NFATC1: variants seen among roughly 807,000 people sequenced by gnomAD.
The protein encoded by NFATC1 is nuclear factor of activated T-cells, cytoplasmic 1.
NFATC1 carries 22 observed loss-of-function variants against 76.0 expected under a neutral mutation model. That is an observed-to-expected ratio of 0.29 (90% CI 0.21 to 0.41). The LOEUF (loss-of-function observed/expected upper bound fraction) is 0.41. Among genes scored for constraint, NFATC1 ranks in the 10% least tolerant of loss-of-function variants. The pLI is 1.00. For missense variants in NFATC1, 1,357 were observed against 1,337.7 expected (o/e 1.01, Z -0.23); for synonymous variants, 704 against 613.1 (o/e 1.15, Z -2.19).
chr18:79,526,388 G>A (rs113398280), intron 9 of NFATC1, among the ~76,000 whole-genome samples: 8,049 of 152,348 alleles, frequency 0.053, 283 homozygotes, highest in Admixed American at 0.09. Flanking sequence ...CAGGATCAGC[G>A]TGGCTCTGAG....
intron 2 of NFATC1, among the ~76,000 whole-genome samples, chr18:79,427,466 T>TGGGG (rs1568948127): frequency 1.6e-4 from 2 of 12,690 alleles, no homozygotes; most frequent in Non-Finnish European, 2.9e-4. Context: ...GTGCGGTGGG[T>TGGGG]GGGGGCTGTA....
At chr18:79,408,993 T>G (rs1447674583) in intron 1 of NFATC1, among the ~76,000 whole-genome samples, 1 of 102,736 alleles carries the variant, frequency 9.7e-6, no homozygotes, top group East Asian at 3.7e-4. Context: ...CAAACCATTA[T>G]TCCTCCATTC....
At chr18:79,409,606 T>C (rs375659979) in intron 1 of NFATC1, among the ~76,000 whole-genome samples, 1 of 152,134 alleles carries the variant, frequency 6.6e-6, no homozygotes, top group Non-Finnish European at 1.5e-5. Context: ...TCACCATCCA[T>C]CTACCTACTC....
intron 9 of NFATC1, among the ~76,000 whole-genome samples, chr18:79,492,873 CAAA>C (rs397937205): frequency 1.5e-5 from 1 of 68,632 alleles, no homozygotes; most frequent in South Asian, 4.9e-4. Context: ...GACTCCATCT[CAAA>C]AAAAAAAAAG....
chr18:79,527,745 G>T lies in NFATC1; in HGVS notation c.*168G>T. 1.6e-6 allele frequency: 1 copy of T among 637,710 alleles called. No individual in the cohort carries two copies. Among genetic ancestry groups the T allele is most frequent in the Non-Finnish European group, 2.7e-6 (1 of 363,692 alleles). The allele number at this position is 637,710 out of a possible 1,614,324, so 39.5% of individuals were successfully genotyped here. A position where few individuals can be genotyped will look rare whatever the true frequency, so the allele number is the denominator to read the frequency against. The stretch of plus-strand genomic sequence containing the variant: ...CAAAGATTGGCTCTCCAACAAGAAG[G>T]AAAGCAGGGAGGAAGGGAGACCACT... On this transcript the variant is annotated 3_prime_UTR_variant, in exon 10 of 10. Transcript: ENST00000427363.
chr18:79,455,427 CG>C (rs1568983562), intron 6 of NFATC1, among the ~76,000 whole-genome samples: 2 of 152,268 alleles, frequency 1.3e-5, no homozygotes, highest in South Asian at 4.1e-4. Context: ...CGTGGCCTCC[CG>C]GGGCCCCTCT....
intron 6 of NFATC1, among the ~76,000 whole-genome samples, chr18:79,455,868 A>G (rs1299919770): frequency 6.6e-6 from 1 of 152,096 alleles, no homozygotes; most frequent in Non-Finnish European, 1.5e-5. Flanking sequence ...CACTAGCCAC[A>G]CTGCAGGAGA....
Position 79,527,604 on chromosome 18 carries a change from C to T in NFATC1, c.*27C>T. ...TGCCACATTGGAGCACTCAGTTCAG[C>T]AGGGGTATGCTGACTTCAGCAGACA... On this transcript the variant is annotated 3_prime_UTR_variant, in exon 10 of 10. Coordinates refer to ENST00000427363, the MANE Select transcript of NFATC1 (RefSeq NM_001278669.2). 2 of 1,608,248 alleles carry T rather than the reference C, an allele frequency of 1.2e-6. No individual in the cohort carries two copies. The highest frequency in any genetic ancestry group is 1.7e-6 in the Non-Finnish European group (2 of 1,174,808).
At chr18:79,447,221 C>A (rs1442988056) in intron 3 of NFATC1, among the ~76,000 whole-genome samples, 2 of 152,210 alleles carry the variant, frequency 1.3e-5, no homozygotes, top group Non-Finnish European at 2.9e-5. Flanking sequence ...CCTGCCCGGG[C>A]CCCTCTAGCC....
intron 8 of NFATC1, among the ~76,000 whole-genome samples, chr18:79,481,250 C>T (rs1005563692): frequency 3.3e-5 from 5 of 152,214 alleles, no homozygotes; most frequent in South Asian, 2.1e-4. Context: ...GGCCCAGCTG[C>T]GTCCGCAGAG....
intron 1 of NFATC1, among the ~76,000 whole-genome samples, chr18:79,409,328 TCATTCATC>T (rs1203277040): frequency 5.1e-5 from 5 of 98,710 alleles, no homozygotes; most frequent in South Asian, 7.3e-4. Context: ...CCCTATCCAT[TCATTCATC>T]CATCCATCCA....
At position 79,486,911 on chromosome 18, in the gene NFATC1, A is replaced by G. The variant is rs1052579102; in HGVS notation, c.2756A>G (p.Glu919Gly). Residue 919 changes from glutamate to glycine, a missense_variant, in exon 9 of 10, where the codon GAG (glutamate) becomes GGG (glycine). This residue lies in a region of NFATC1 where 424 missense variants were observed against 395.4 expected (regional missense o/e 1.07). Transcript: ENST00000427363. ...GTAACGGTCAAGCGAGAGCCTGAAG[A>G]GTTGGACCAGTTGTACCTGGATGAC... ...IPVTVKREPEELDQLYLDDVN... is the reference protein window; with the variant it reads ...IPVTVKREPEGLDQLYLDDVN... The G allele has an allele frequency of 1.9e-6, 3 of 1,602,768 alleles. No homozygotes were observed. Among genetic ancestry groups the G allele is most frequent in the Non-Finnish European group, 2.6e-6 (3 of 1,173,936 alleles).
At chr18:79,522,585 C>T (rs1244758642) in intron 9 of NFATC1, among the ~76,000 whole-genome samples, 2 of 151,936 alleles carry the variant, frequency 1.3e-5, no homozygotes, top group Non-Finnish European at 2.9e-5. Flanking sequence ...TGTTAAAAGG[C>T]GCACACCGCA....
chr18:79,486,658 C>G lies in NFATC1; in HGVS notation c.2503C>G (p.Pro835Ala), dbSNP rs762490739. Residue 835 changes from proline to alanine, a missense_variant, in exon 9 of 10, where the codon CCC (proline) becomes GCC (alanine). By Grantham distance (27) the Pro-to-Ala change is conservative. Coordinates refer to ENST00000427363, the MANE Select transcript of NFATC1 (RefSeq NM_001278669.2). Reference protein sequence around the residue: ...QVSAPPSSSCPPGLEHSLCPS... With the variant: ...QVSAPPSSSCAPGLEHSLCPS... The stretch of plus-strand genomic sequence containing the variant: ...GAGTGCGCCTCCAAGCAGTAGCTGC[C>G]CCCCTGGTCTCGAACACTCGCTCTG... The G allele has an allele frequency of 2.5e-6, 4 of 1,604,010 alleles. No homozygotes were observed. The Admixed American group carries it at 6.7e-5, about 27-fold the overall frequency.
At chr18:79,400,168 AT>A in intron 1 of NFATC1, 7 of 1,072,716 alleles carry the variant, frequency 6.5e-6, no homozygotes, top group Non-Finnish European at 7.9e-6. Context: ...ACACGAGTTT[AT>A]TTAAAAACTC....
intron 8 of NFATC1, among the ~76,000 whole-genome samples, chr18:79,481,953 A>G (rs1239763833): frequency 2.9e-4 from 26 of 88,504 alleles, no homozygotes; most frequent in Middle Eastern, 0.01. Context: ...TCACTCCAGC[A>G]TGACCTGGTT....
At chr18:79,519,056 A>G (rs2145204077) in intron 9 of NFATC1, among the ~76,000 whole-genome samples, 1 of 152,344 alleles carries the variant, frequency 6.6e-6, no homozygotes, top group Middle Eastern at 3.4e-3. Flanking sequence ...GGGCCCTTCC[A>G]GGCTCCCTTT....
At chr18:79,454,871 C>A (rs1398528625) in intron 6 of NFATC1, among the ~76,000 whole-genome samples, 1 of 152,098 alleles carries the variant, frequency 6.6e-6, no homozygotes, top group African/African-American at 2.4e-5. Context: ...CTCTCCCACC[C>A]ACACCCCTCC....
chr18:79,506,644 T>C (rs533124003), intron 9 of NFATC1, among the ~76,000 whole-genome samples: 1 of 152,352 alleles, frequency 6.6e-6, no homozygotes, highest in Non-Finnish European at 1.5e-5. Flanking sequence ...AGTCTAGCTC[T>C]ATTTTTAAAT....
Sources: gnomAD v4.1 joint callset for allele counts (sites outside exome capture counted in the v4.1 genomes callset) on GRCh38, gnomAD v4.1.1 for gene constraint, gnomAD v4.1.1 regional missense constraint, MANE v1.5 for transcripts, NCBI Gene and HGNC (gene_info 2026-07-23, HGNC 2026-07-21) for gene names.